The following MTMR12 variants were observed in gnomAD, a reference collection of about 807,000 sequenced individuals.
MTMR12 encodes the protein myotubularin related protein 12, also known as myotubularin-related protein 12.
In MTMR12, 33 loss-of-function variants were observed where a neutral mutation model predicts 96.7. The ratio of observed to expected loss-of-function variants is 0.34; its 90% CI spans 0.26 to 0.46. The LOEUF (loss-of-function observed/expected upper bound fraction) is 0.46. Among genes scored for constraint, MTMR12 ranks in the 20% least tolerant of loss-of-function variants. The probability of loss-of-function intolerance (pLI) is 1.00; values close to 1 mark genes in which losing one functional copy is unlikely to be tolerated. For missense variants in MTMR12, 721 were observed against 896.1 expected, an observed-to-expected ratio of 0.80 and a Z score of 2.49; for synonymous variants, 298 against 327.2, an observed-to-expected ratio of 0.91 and a Z score of 0.96.
intron 13 of MTMR12, among the ~76,000 whole-genome samples, chr5:32,236,087 A>C (rs960257057): frequency 4.6e-5 from 7 of 152,164 alleles, no homozygotes; most frequent in Admixed American, 4.6e-4. Context: ...CATTAAATAG[A>C]GTGGAAAATA....
At position 32,290,995 on chromosome 5, in the gene MTMR12, C is replaced by T. The variant is rs192856072; in HGVS notation, c.82-14253G>A. Among the ~76,000 whole-genome samples, 405 of 152,314 alleles carry T rather than the reference C, an allele frequency of 2.7e-3. 2 individuals carry two copies. The highest frequency in any genetic ancestry group is 4.5e-3 in the Non-Finnish European group (303 of 68,026). On this transcript the variant is annotated intron_variant, in intron 1 of 15. Transcript: ENST00000382142. ...CCATACAGTGGGTCGTGCACAGCAA[C>T]ATTCCATCATCAAATGGAAGTGGTA...
rs762533446 is a variant in MTMR12, at chr5:32,297,101, T to TA, written c.81+15656dup. ...CTGGGTGACAGAGCGAGACTCCGTC[T>TA]AAAAAAAAAAAAAAAAAGATATAAT... On this transcript the variant is annotated intron_variant, in intron 1 of 15. Transcript: ENST00000382142. 6.4e-3 allele frequency among the ~76,000 whole-genome samples: 807 copies of TA among 126,694 alleles called. 2 individuals are homozygous for TA. Among genetic ancestry groups the TA allele is most frequent in the East Asian group, 0.027 (121 of 4,474 alleles). 83.1% of individuals were successfully genotyped at this position (126,694 alleles called of 152,430 possible). A position where few individuals can be genotyped will look rare whatever the true frequency, so the allele number is the denominator to read the frequency against.
intron 1 of MTMR12, among the ~76,000 whole-genome samples, chr5:32,299,341 A>T (rs1751044806): frequency 6.6e-6 from 1 of 152,152 alleles, no homozygotes; most frequent in South Asian, 2.1e-4. Flanking sequence ...GTGACACCAA[A>T]GCCATGCTCT....
intron 1 of MTMR12, among the ~76,000 whole-genome samples, chr5:32,293,284 G>T (rs1750807024): frequency 6.6e-6 from 1 of 152,116 alleles, no homozygotes. Context: ...TCAGTGGGCT[G>T]GGAAAGGCAG....
rs1186281015 is a variant in MTMR12 at position 32,296,395 on chromosome 5, C to T, written c.81+16363G>A. 1.4e-5 allele frequency: 3 copies of T among 220,284 alleles called. No individual in the cohort carries two copies. The East Asian group carries it at 4.7e-4, about 35-fold the overall frequency. 13.6% of individuals were successfully genotyped at this position (220,284 alleles called of 1,614,324 possible). A position where few individuals can be genotyped will look rare whatever the true frequency, so the allele number is the denominator to read the frequency against. The stretch of plus-strand genomic sequence containing the variant: ...TTGGGAGGCTAAGGCAGGAAGATTG[C>T]TTCAGCCCAGGAGGTTGAGGCTGGA... On this transcript the variant is annotated intron_variant, in intron 1 of 15. Transcript: ENST00000382142.
intron 6 of MTMR12, among the ~76,000 whole-genome samples, chr5:32,264,382 T>C (rs888689258): frequency 3.9e-5 from 6 of 151,922 alleles, no homozygotes; most frequent in Non-Finnish European, 7.4e-5. Flanking sequence ...AACCAGATCA[T>C]AGCAAAAATA....
In MTMR12 at chr5:32,228,559, A is replaced by T. The variant is rs1412011516; in HGVS notation, c.*1219T>A. 8.7e-6 allele frequency: 1 copy of T among 115,150 alleles called. No individual in the cohort carries two copies. Among genetic ancestry groups the T allele is most frequent in the African/African-American group, 3.6e-5 (1 of 27,978 alleles). 7.1% of individuals were successfully genotyped at this position (115,150 alleles called of 1,614,324 possible). On this transcript the variant is annotated 3_prime_UTR_variant, in exon 16 of 16. Transcript: ENST00000382142. ...GATATATATATCATATATATGTGATATATATATATCATATATATATCATAT... is the reference window on the plus strand; with the variant it reads ...GATATATATATCATATATATGTGATTTATATATATCATATATATATCATAT...
rs1359765075 is a variant in MTMR12, at chr5:32,229,217, G to C, written c.*561C>G. The C allele has an allele frequency of 6.6e-6, 1 of 152,232 alleles. No individual in the cohort carries two copies. The highest frequency in any genetic ancestry group is 2.1e-4 in the South Asian group (1 of 4,834). The allele number at this position is 152,232 out of a possible 1,614,324, so 9.4% of individuals were successfully genotyped here. ...TGAAGCATCAGGATGGATGACACCA[G>C]TGGAACTTCCCAGGTGTTTTACAGG... On this transcript the variant is annotated 3_prime_UTR_variant, in exon 16 of 16. Transcript: ENST00000382142.
chr5:32,259,966 G>A (rs544378921), intron 7 of MTMR12, among the ~76,000 whole-genome samples: 1 of 150,568 alleles, frequency 6.6e-6, no homozygotes, highest in Non-Finnish European at 1.5e-5. Context: ...AACCTGGGAG[G>A]CGGAGGTTGC....
intron 3 of MTMR12, 40 bp downstream of exon 3, chr5:32,273,940 C>T: frequency 1.2e-6 from 2 of 1,611,980 alleles, no homozygotes; most frequent in Non-Finnish European, 8.5e-7. Flanking sequence ...CACAACCACA[C>T]TGTTGCCCAC....
intron 1 of MTMR12, among the ~76,000 whole-genome samples, chr5:32,303,182 T>C (rs1751214907): frequency 6.6e-6 from 1 of 152,244 alleles, no homozygotes; most frequent in South Asian, 2.1e-4. Context: ...ATAATGGCAT[T>C]TGATATTAAT....
Position 32,230,138 on chromosome 5 carries a change from TAAC to T in MTMR12, c.1881_1883del (p.Leu628del). On this transcript the variant is annotated inframe_deletion, in exon 16 of 16. Transcript: ENST00000382142. ...TGATTTCGGGCCCCTCGATATGCGG[TAAC>T]AACAAACCATGGTAGTCAGTGGACT... 6.2e-7 allele frequency: 1 copy of T among 1,613,770 alleles called. No homozygotes were observed. The highest frequency in any genetic ancestry group is 8.5e-7 in the Non-Finnish European group (1 of 1,179,736).
At chr5:32,292,060 G>A (rs181717302) in intron 1 of MTMR12, among the ~76,000 whole-genome samples, 11 of 152,280 alleles carry the variant, frequency 7.2e-5, no homozygotes, top group Admixed American at 1.3e-4. Context: ...AAAGAAGTGC[G>A]GCAGTGGGTT....
At position 32,228,568 on chromosome 5, in the gene MTMR12, T is replaced by A. The variant is rs1219175041; in HGVS notation, c.*1210A>T. The stretch of plus-strand genomic sequence containing the variant: ...ATCATATATATGTGATATATATATA[T>A]CATATATATATCATATATATGTGAT... On this transcript the variant is annotated 3_prime_UTR_variant, in exon 16 of 16. Transcript: ENST00000382142. The A allele has an allele frequency of 2.4e-5, 3 of 124,138 alleles. No homozygotes were observed. In the East Asian group the frequency reaches 6.2e-4, roughly 26 times the overall value. 7.7% of individuals were successfully genotyped at this position (124,138 alleles called of 1,614,324 possible). A position where few individuals can be genotyped will look rare whatever the true frequency, so the allele number is the denominator to read the frequency against.
At position 32,235,034 on chromosome 5, in the gene MTMR12, C is replaced by A. The variant is rs1748159072; in HGVS notation, c.1440G>T (p.Leu480Phe). 1.2e-6 allele frequency: 2 copies of A among 1,613,876 alleles called. No individual in the cohort carries two copies. The highest frequency in any genetic ancestry group is 2.7e-5 in the African/African-American group (2 of 74,914). The change falls in exon 14 of 16, where the codon TTG (leucine) becomes TTT (phenylalanine). Residue 480 changes from leucine (L) to phenylalanine (F), a missense_variant. Leu to Phe is a conservative substitution (Grantham distance 22, BLOSUM62 0). Coordinates refer to ENST00000382142, the MANE Select transcript of MTMR12 (RefSeq NM_001040446.3). ...FEFTETYLTV[L>F]SDSLYIPIFS... ...AAATAGGTATATACAGGCTATCTGA[C>A]AAAACAGTCAGGTAAGTCTCTGTGA...
rs1212267463 is a variant in MTMR12, at chr5:32,267,523, T to C, written c.583+1178A>G. ...TAATTCAGATGACCAGTTTTGTTCT[T>C]AAAAGATTGCTCTCTTTTTCACCAA... On this transcript the variant is annotated intron_variant, in intron 6 of 15. Coordinates refer to ENST00000382142, the MANE Select transcript of MTMR12 (RefSeq NM_001040446.3). Among the ~76,000 whole-genome samples the C allele has an allele frequency of 7.9e-5, 12 of 152,346 alleles. No individual in the cohort carries two copies. In the East Asian group the frequency reaches 2.3e-3, roughly 29 times the overall value.
rs71598927 is a variant in MTMR12, at chr5:32,233,455, A to AAC, written c.1674+316_1674+317dup. On this transcript the variant is annotated intron_variant, in intron 15 of 15. Transcript: ENST00000382142. This position sits in a 1 kb window ranked among gnomAD's most constrained non-coding sequence, Gnocchi z 5.0. ...CAATCAATGTTCCTTTTACTCTACTAACACACACACACACACAAACACACA... is the reference window on the plus strand; with the variant it reads ...CAATCAATGTTCCTTTTACTCTACTAACACACACACACACACACAAACACACA... 0.11 allele frequency among the ~76,000 whole-genome samples: 16,165 copies of AAC among 147,776 alleles called. 1,189 individuals are homozygous for AAC. The highest frequency in any genetic ancestry group is 0.17 in the Non-Finnish European group (11,378 of 67,128).
intron 1 of MTMR12, among the ~76,000 whole-genome samples, chr5:32,294,449 C>T (rs893306459): frequency 6.6e-6 from 1 of 152,064 alleles, no homozygotes; most frequent in African/African-American, 2.4e-5. Context: ...ATTACTGGTG[C>T]CCACCATCAC....
In MTMR12 at chr5:32,242,049, T is replaced by C. The variant is rs368173178; in HGVS notation, c.1171+8A>G. 1.9e-5 allele frequency: 30 copies of C among 1,604,472 alleles called. No individual in the cohort carries two copies. The African/African-American group carries it at 3.6e-4, about 19-fold the overall frequency. Reference sequence around the variant, plus strand: ...TGGAAATCATCCTTTGTGCTTCCTATATATTACCTAAAAGAAGAACATTCA... The same window carrying C: ...TGGAAATCATCCTTTGTGCTTCCTACATATTACCTAAAAGAAGAACATTCA... On this transcript the variant is annotated splice_region_variant and intron_variant, in intron 12 of 15. Coordinates refer to ENST00000382142, the MANE Select transcript of MTMR12 (RefSeq NM_001040446.3).
Sources: gnomAD v4.1 joint callset for allele counts (sites outside exome capture counted in the v4.1 genomes callset) on GRCh38, gnomAD v4.1.1 for gene constraint, Gnocchi (gnomAD v3.1) non-coding constraint, MANE v1.5 for transcripts, NCBI Gene and HGNC (gene_info 2026-07-23, HGNC 2026-07-21) for gene names.